The following KAT7 variants were observed in gnomAD, a reference collection of about 807,000 sequenced individuals.
The protein encoded by KAT7 is lysine acetyltransferase 7, also known as histone acetyltransferase KAT7.
In KAT7, 10 loss-of-function variants were observed where a neutral mutation model predicts 82.1. That is an observed-to-expected ratio of 0.12 (90% CI 0.08 to 0.21). The LOEUF (loss-of-function observed/expected upper bound fraction) is 0.21, where lower values mean the gene tolerates loss of function less well. Ranked by LOEUF, KAT7 falls within the 10% of genes least tolerant of loss-of-function variation. The probability of loss-of-function intolerance (pLI) is 1.00; values close to 1 mark genes in which losing one functional copy is unlikely to be tolerated. For synonymous variants in KAT7, 250 were observed against 262.5 expected, an observed-to-expected ratio of 0.95 and a Z score of 0.46; for missense variants, 378 against 760.9, an observed-to-expected ratio of 0.50 and a Z score of 5.92.
At chr17:49,817,607 C>T (rs2074250544) in intron 8 of KAT7, among the ~76,000 whole-genome samples, 1 of 152,146 alleles carries the variant, frequency 6.6e-6, no homozygotes, top group Non-Finnish European at 1.5e-5. Flanking sequence ...GCTGGGATTA[C>T]AATTGTTTGC....
rs1476752216 is a variant in KAT7, at chr17:49,829,263, C to G, written c.*1761C>G. On this transcript the variant is annotated 3_prime_UTR_variant, in exon 15 of 15. Transcript: ENST00000259021. The stretch of plus-strand genomic sequence containing the variant: ...TGTGATACAGGCTGTCTGTAAAGAT[C>G]AAGGGAGTGCTCACTCTGAACTTCT... 1 of 152,192 alleles carries G rather than the reference C, an allele frequency of 6.6e-6. No individual in the cohort carries two copies. The highest frequency in any genetic ancestry group is 1.5e-5 in the Non-Finnish European group (1 of 68,034). 9.4% of individuals were successfully genotyped at this position (152,192 alleles called of 1,614,324 possible). A position where few individuals can be genotyped will look rare whatever the true frequency, so the allele number is the denominator to read the frequency against.
In KAT7 at chr17:49,831,473, T is replaced by C. The variant is rs558139912; in HGVS notation, c.*3971T>C. ...CCTCACCACAGCACAGTAAGGTGGA[T>C]ATTATAGTCTTCTTCTAGATGAAAA... is the stretch of plus-strand genomic sequence containing the variant. On this transcript the variant is annotated 3_prime_UTR_variant, in exon 15 of 15. Transcript: ENST00000259021. The C allele has an allele frequency of 6.6e-6, 1 of 152,332 alleles. No homozygotes were observed. Among genetic ancestry groups the C allele is most frequent in the East Asian group, 1.9e-4 (1 of 5,182 alleles). 9.4% of individuals were successfully genotyped at this position (152,332 alleles called of 1,614,324 possible). A position where few individuals can be genotyped will look rare whatever the true frequency, so the allele number is the denominator to read the frequency against.
At chr17:49,795,317 G>C (rs559699611) in intron 2 of KAT7, 1 of 170,706 alleles carries the variant, frequency 5.9e-6, no homozygotes, top group Admixed American at 6.3e-5. Flanking sequence ...GGCTTACACG[G>C]AGGGAATTGA....
rs1213245625 is a variant in KAT7, at chr17:49,830,219, A to G, written c.*2717A>G. 7.9e-6 allele frequency: 1 copy of G among 125,844 alleles called. No individual in the cohort carries two copies. Among genetic ancestry groups the G allele is most frequent in the Non-Finnish European group, 1.6e-5 (1 of 62,230 alleles). 7.8% of individuals were successfully genotyped at this position (125,844 alleles called of 1,614,324 possible). A position where few individuals can be genotyped will look rare whatever the true frequency, so the allele number is the denominator to read the frequency against. On this transcript the variant is annotated 3_prime_UTR_variant, in exon 15 of 15. Transcript: ENST00000259021. Reference sequence around the variant, plus strand: ...TTTTTTTTTTTTTTTAAAAAAAGACAGTCTCACTCTATCATCCAGTCCGGA... The same window carrying G: ...TTTTTTTTTTTTTTTAAAAAAAGACGGTCTCACTCTATCATCCAGTCCGGA...
In KAT7 at chr17:49,788,775, A is replaced by G; in HGVS notation, c.-60A>G. ...GGCCGCCACGGAGCCCGCCGGAGCCACCGTTCCTGCTGCTGCCGCCGCTGC... is the reference window on the plus strand; with the variant it reads ...GGCCGCCACGGAGCCCGCCGGAGCCGCCGTTCCTGCTGCTGCCGCCGCTGC... On this transcript the variant is annotated 5_prime_UTR_variant, in exon 1 of 15. Transcript: ENST00000259021. 6.5e-7 allele frequency: 1 copy of G among 1,549,104 alleles called. No homozygotes were observed. Among genetic ancestry groups the G allele is most frequent in the Non-Finnish European group, 8.7e-7 (1 of 1,146,286 alleles).
In KAT7 at chr17:49,788,839, C is replaced by T. The variant is rs753759182; in HGVS notation, c.5C>T (p.Pro2Leu). 2.5e-6 allele frequency: 4 copies of T among 1,587,164 alleles called. No individual in the cohort carries two copies. Among genetic ancestry groups the T allele is most frequent in the Admixed American group, 1.8e-5 (1 of 56,798 alleles). ...GTCGGGCCGCAGCCGCCGGCAATGC[C>T]GCGAAGGAAGGTGAGAAACGGGAGA... M[P>L]RRKRNAGSSS... Residue 2 changes from proline (P) to leucine (L), a missense_variant, in exon 1 of 15, where the codon CCG (proline) becomes CTG (leucine). Pro to Leu is a moderately conservative substitution (Grantham distance 98). Around this residue, in one of 6 missense-constraint regions of KAT7, gnomAD observed 161 missense variants for 229.6 expected, o/e 0.70. Transcript: ENST00000259021.
chr17:49,815,600 C>T (rs1293396797), intron 7 of KAT7: 6 of 432,132 alleles, frequency 1.4e-5, no homozygotes, highest in African/African-American at 1.2e-4. Context: ...ATTTCCTCTC[C>T]AGAATCACTG....
intron 4 of KAT7, among the ~76,000 whole-genome samples, chr17:49,802,020 T>G (rs2074030744): frequency 6.6e-6 from 1 of 152,226 alleles, no homozygotes; most frequent in Non-Finnish European, 1.5e-5. Flanking sequence ...CTTTTTGTGA[T>G]TATTCATAAA....
At chr17:49,796,718 T>C in intron 2 of KAT7, 32 bp from the exon 3 acceptor site, 1 of 1,510,960 alleles carries the variant, frequency 6.6e-7, no homozygotes, top group Non-Finnish European at 9.0e-7. Flanking sequence ...TTTCCATCTT[T>C]TTTCTTTATT....
chr17:49,811,618 C>G, intron 7 of KAT7, 44 bp downstream of exon 7: 1 of 986,730 alleles, frequency 1.0e-6, no homozygotes, highest in Non-Finnish European at 1.4e-6. Context: ...CTCCTGCTAT[C>G]ACATTTGATT....
chr17:49,808,799 T>G (rs2074125508), intron 5 of KAT7, among the ~76,000 whole-genome samples: 1 of 152,170 alleles, frequency 6.6e-6, no homozygotes, highest in Non-Finnish European at 1.5e-5. Context: ...TACTCTATTC[T>G]TGCACTTCCT....
At chr17:49,797,087 G>A (rs1463724562) in intron 3 of KAT7, among the ~76,000 whole-genome samples, 161 bp downstream of exon 3, 4 of 149,106 alleles carry the variant, frequency 2.7e-5, no homozygotes, top group Non-Finnish European at 5.9e-5. Context: ...TTTTTGAGAC[G>A]GAGTCTCGCT....
chr17:49,809,162 T>C lies in KAT7; in HGVS notation c.707T>C (p.Leu236Pro). ...SRDKQIEERM[L>P]SHRQDDNNRH... ...GATAAGCAGATAGAAGAAAGGATGC[T>C]GTCTCACAGGCAAGATGACAACAAC... The change falls in exon 6 of 15, where the codon CTG (leucine) becomes CCG (proline). Residue 236 changes from leucine (L) to proline (P), a missense_variant. By Grantham distance (98) the Leu-to-Pro change is moderately conservative (BLOSUM62 -3). Around this residue, in one of 6 missense-constraint regions of KAT7, gnomAD observed 102 missense variants for 129.8 expected, o/e 0.79. Transcript: ENST00000259021. 1 of 1,614,166 alleles carries C rather than the reference T, an allele frequency of 6.2e-7. No individual in the cohort carries two copies. The highest frequency in any genetic ancestry group is 1.3e-5 in the African/African-American group (1 of 75,064).
At chr17:49,791,832 C>A in intron 1 of KAT7, 54 bp from the exon 2 acceptor site, 1 of 1,560,170 alleles carries the variant, frequency 6.4e-7, no homozygotes, top group Non-Finnish European at 8.8e-7. Flanking sequence ...AATGTTAATG[C>A]AAACTCTCAG....
chr17:49,801,516 G>A (rs1015169582), intron 4 of KAT7, among the ~76,000 whole-genome samples: 1 of 151,946 alleles, frequency 6.6e-6, no homozygotes, highest in Non-Finnish European at 1.5e-5. Context: ...TTGAGGCAGA[G>A]TCTCACTCTG....
chr17:49,791,322 A>G (rs2073885660), intron 1 of KAT7, among the ~76,000 whole-genome samples: 1 of 152,338 alleles, frequency 6.6e-6, no homozygotes, highest in Admixed American at 6.5e-5. Flanking sequence ...ATTGATCTCC[A>G]AATGGTCTTG....
Position 49,817,854 on chromosome 17 carries a change from G to A in KAT7, c.998G>A (p.Gly333Glu). ...KLRLQGQITE[G>E]SNMIKTIAFG... ...AGGCTGCAAGGCCAAATCACAGAGG[G>A]AAGCAACATGATTAAAACAATTGCT... The change falls in exon 9 of 15, where the codon GGA becomes GAA. Residue 333 changes from glycine (G) to glutamate (E), a missense_variant. Coordinates refer to ENST00000259021, the MANE Select transcript of KAT7 (RefSeq NM_007067.5). 2 of 1,612,582 alleles carry A rather than the reference G, an allele frequency of 1.2e-6. No individual in the cohort carries two copies. Among genetic ancestry groups the A allele is most frequent in the Non-Finnish European group, 1.7e-6 (2 of 1,179,818 alleles).
intron 4 of KAT7, among the ~76,000 whole-genome samples, chr17:49,802,256 T>C (rs2074033985): frequency 6.6e-6 from 1 of 152,248 alleles, no homozygotes; most frequent in African/African-American, 2.4e-5. Flanking sequence ...ATCTGTAGGA[T>C]AAATTCAGAG....
chr17:49,814,959 C>G (rs2074215977), intron 7 of KAT7: 1 of 152,166 alleles, frequency 6.6e-6, no homozygotes, highest in East Asian at 1.9e-4. Context: ...CTCCTATTCT[C>G]TGGATGGGAG....
Sources: allele counts gnomAD v4.1 joint callset (sites outside exome capture counted in the v4.1 genomes callset), GRCh38; gene constraint gnomAD v4.1.1; regional missense constraint gnomAD v4.1.1; transcripts MANE v1.5; gene names NCBI Gene and HGNC (gene_info 2026-07-23, HGNC 2026-07-21).